USH2A: variants seen among roughly 807,000 people sequenced by gnomAD.
The protein encoded by USH2A is usherin, also known as Usher syndrome 2A (autosomal recessive, mild).
USH2A carries 443 observed loss-of-function variants against 538.9 expected under a neutral mutation model. The observed-to-expected ratio is 0.82, with a 90% CI of 0.76 to 0.89. The LOEUF is 0.89. USH2A is among the 40% of genes least tolerant of loss of function. USH2A has a pLI of 0.00. For synonymous variants in USH2A, 2,413 were observed against 2,273.5 expected (o/e 1.06, Z -1.75); for missense variants, 6,633 against 6,324.8 (o/e 1.05, Z -1.65).
At chr1:216,305,030 C>T (rs1021186745) in intron 9 of USH2A, among the ~76,000 whole-genome samples, 2 of 151,976 alleles carry the variant, frequency 1.3e-5, no homozygotes, top group Non-Finnish European at 2.9e-5. Flanking sequence ...CTGTTAAGTA[C>T]ATTTGTTCTA....
chr1:216,394,677 T>G (rs981185827), intron 3 of USH2A, among the ~76,000 whole-genome samples: 2 of 151,574 alleles, frequency 1.3e-5, no homozygotes, highest in African/African-American at 4.8e-5. Context: ...TGTCAATTTG[T>G]CATATAGTTT....
intron 47 of USH2A, among the ~76,000 whole-genome samples, chr1:215,819,518 A>G (rs4129019): frequency 0.54 from 82,094 of 151,614 alleles, 22,384 homozygotes; most frequent in Admixed American, 0.65. Context: ...AGTTTCATAG[A>G]TGACTTGTAC....
rs79523773 is a variant in USH2A, at chr1:215,822,748, T to C, written c.9372-5553A>G. ...TCCCAGTTCAGTACAATGTTAGCCATAGGTTTGTCATACATGGCTTTTATT... is the reference window on the plus strand; with the variant it reads ...TCCCAGTTCAGTACAATGTTAGCCACAGGTTTGTCATACATGGCTTTTATT... On this transcript the variant is annotated intron_variant, in intron 47 of 71. Coordinates refer to ENST00000307340, the MANE Select transcript of USH2A (RefSeq NM_206933.4). Among the ~76,000 whole-genome samples, 96 of 152,090 alleles carry C rather than the reference T, an allele frequency of 6.3e-4. No homozygotes were observed. In the East Asian group the frequency reaches 0.017, roughly 28 times the overall value.
intron 3 of USH2A, among the ~76,000 whole-genome samples, chr1:216,373,168 C>G (rs1444340504): frequency 1.3e-5 from 2 of 152,134 alleles, no homozygotes; most frequent in East Asian, 3.9e-4. Context: ...ATATACTACA[C>G]ATAAGGGGTA....
At chr1:215,802,196 A>G (rs545211601) in intron 49 of USH2A, among the ~76,000 whole-genome samples, 97 of 152,232 alleles carry the variant, frequency 6.4e-4, no homozygotes, top group Admixed American at 1.3e-3. Flanking sequence ...AAATTTCATG[A>G]CATTGGGTCT....
At chr1:216,004,549 G>A (rs1668347607) in intron 32 of USH2A, among the ~76,000 whole-genome samples, 1 of 152,162 alleles carries the variant, frequency 6.6e-6, no homozygotes, top group South Asian at 2.1e-4. Flanking sequence ...CAGCACTAAA[G>A]CCTGACTTAA....
chr1:216,337,177 A>G (rs1158980843), intron 4 of USH2A, among the ~76,000 whole-genome samples: 1 of 151,476 alleles, frequency 6.6e-6, no homozygotes, highest in African/African-American at 2.4e-5. Context: ...AATATTAATG[A>G]TGACAATGAC....
intron 32 of USH2A, among the ~76,000 whole-genome samples, chr1:216,030,045 G>T (rs11120723): frequency 1.8e-5 from 1 of 54,134 alleles, no homozygotes; most frequent in Non-Finnish European, 4.8e-5. Flanking sequence ...ATAATATATG[G>T]TATATATGAT....
chr1:216,392,283 G>A (rs1571773526), intron 3 of USH2A, among the ~76,000 whole-genome samples: 1 of 151,888 alleles, frequency 6.6e-6, no homozygotes, highest in African/African-American at 2.4e-5. Flanking sequence ...TGGATCACAA[G>A]GTCAGGAAAT....
chr1:216,010,183 G>C (rs527683641), intron 32 of USH2A, among the ~76,000 whole-genome samples: 2 of 152,122 alleles, frequency 1.3e-5, no homozygotes, highest in African/African-American at 2.4e-5. Context: ...ACTGTGAGAC[G>C]AACCCCAGCC....
intron 30 of USH2A, among the ~76,000 whole-genome samples, chr1:216,059,271 G>A (rs537540206): frequency 1.3e-5 from 2 of 152,134 alleles, no homozygotes; most frequent in South Asian, 2.1e-4. Context: ...CAGGCATAAG[G>A]CAAAAATAAC....
At chr1:216,276,165 T>A (rs2036666918) in intron 11 of USH2A, among the ~76,000 whole-genome samples, 1 of 152,184 alleles carries the variant, frequency 6.6e-6, no homozygotes, top group Non-Finnish European at 1.5e-5. Flanking sequence ...GTGGATAAAT[T>A]AATAACTGCT....
intron 44 of USH2A, among the ~76,000 whole-genome samples, chr1:215,863,394 T>C (rs2102437086): frequency 6.6e-6 from 1 of 152,178 alleles, no homozygotes; most frequent in East Asian, 1.9e-4. Flanking sequence ...TTAGAAGAGA[T>C]GAGATTTGGA....
intron 4 of USH2A, among the ~76,000 whole-genome samples, chr1:216,355,331 G>GAA (rs2038368153): frequency 7.1e-6 from 1 of 139,880 alleles, no homozygotes; most frequent in Non-Finnish European, 1.6e-5. Context: ...AAGAAAGAAA[G>GAA]AAAGAAAGAA....
chr1:215,915,133 T>C (rs997945354), intron 38 of USH2A, among the ~76,000 whole-genome samples: 20 of 152,076 alleles, frequency 1.3e-4, no homozygotes, highest in African/African-American at 4.8e-4. Flanking sequence ...CTTCATAACA[T>C]AAATGACTTG....
chr1:215,693,057 C>G (rs1291006042), intron 61 of USH2A, among the ~76,000 whole-genome samples: 6 of 147,890 alleles, frequency 4.1e-5, no homozygotes, highest in African/African-American at 1.3e-4. Context: ...GCCACCATGC[C>G]CAGCTAATTT....
intron 3 of USH2A, among the ~76,000 whole-genome samples, chr1:216,409,325 T>G (rs1229046288): frequency 6.6e-6 from 1 of 152,114 alleles, no homozygotes; most frequent in Non-Finnish European, 1.5e-5. Flanking sequence ...ATTTACAGAT[T>G]CAGTGCTATT....
chr1:216,290,154 T>C (rs1211838877), intron 10 of USH2A, among the ~76,000 whole-genome samples: 1 of 152,146 alleles, frequency 6.6e-6, no homozygotes, highest in East Asian at 1.9e-4. Flanking sequence ...TGAAATAAGC[T>C]GAAGTAGAAC....
chr1:215,939,562 G>A (rs959980655), intron 37 of USH2A, among the ~76,000 whole-genome samples: 1 of 151,980 alleles, frequency 6.6e-6, no homozygotes, highest in African/African-American at 2.4e-5. Context: ...TTGTTGAATA[G>A]TAGAAAATCT....
Sources: allele counts gnomAD v4.1 joint callset (sites outside exome capture counted in the v4.1 genomes callset), GRCh38; gene constraint gnomAD v4.1.1; transcripts MANE v1.5; gene names NCBI Gene and HGNC (gene_info 2026-07-23, HGNC 2026-07-21).